Variants in BBX observed in about 807,000 individuals in gnomAD.
The protein encoded by BBX is BBX high mobility group box domain containing.
A neutral mutation model predicts 100.2 loss-of-function variants in BBX; 30 were observed. The observed-to-expected ratio is 0.30, with a 90% CI of 0.22 to 0.41. The LOEUF (loss-of-function observed/expected upper bound fraction) is 0.41, where lower values mean the gene tolerates loss of function less well. BBX is among the 10% of genes least tolerant of loss of function. BBX has a pLI of 1.00. For missense variants in BBX, 1,023 were observed against 1,129.8 expected (o/e 0.91, Z 1.35); for synonymous variants, 376 against 388.1 (o/e 0.97, Z 0.37).
intron 3 of BBX, among the ~76,000 whole-genome samples, chr3:107,659,235 A>G (rs2058311972): frequency 6.6e-6 from 1 of 151,834 alleles, no homozygotes; most frequent in African/African-American, 2.4e-5. Context: ...GGCCGTTAAC[A>G]TTTTATTATA....
At chr3:107,609,193 A>G (rs2054656542) in intron 2 of BBX, among the ~76,000 whole-genome samples, 1 of 151,994 alleles carries the variant, frequency 6.6e-6, no homozygotes, top group Admixed American at 6.6e-5. Flanking sequence ...ACACTGATTG[A>G]TTTGCATATG....
chr3:107,722,582 A>G (rs896684779), intron 5 of BBX, among the ~76,000 whole-genome samples: 2 of 151,988 alleles, frequency 1.3e-5, no homozygotes, highest in Non-Finnish European at 2.9e-5. Flanking sequence ...TCCACAACAC[A>G]ACAAGCAAAT....
At chr3:107,633,215 GATA>G (rs1484607968) in intron 2 of BBX, among the ~76,000 whole-genome samples, 1 of 151,992 alleles carries the variant, frequency 6.6e-6, no homozygotes, top group Non-Finnish European at 1.5e-5. Flanking sequence ...TATGAAAATA[GATA>G]ATAATGCTAT....
rs1032624741 is a variant in BBX, at chr3:107,806,125, A to C, written c.*668A>C. 7 of 152,036 alleles carry C rather than the reference A, an allele frequency of 4.6e-5. No homozygotes were observed. The highest frequency in any genetic ancestry group is 3.3e-4 in the Admixed American group (5 of 15,282). 9.4% of individuals were successfully genotyped at this position (152,036 alleles called of 1,614,324 possible). A position where few individuals can be genotyped will look rare whatever the true frequency, so the allele number is the denominator to read the frequency against. Reference sequence around the variant, plus strand: ...ATGGTAGTTTGCTGGCAAAAAAAAAAAAAAAAGAGAGAGAGAAAAAATTAC... The same window carrying C: ...ATGGTAGTTTGCTGGCAAAAAAAAACAAAAAAGAGAGAGAGAAAAAATTAC... On this transcript the variant is annotated 3_prime_UTR_variant, in exon 18 of 18. Transcript: ENST00000325805.
At chr3:107,781,615 T>G (rs1365021143) in intron 13 of BBX, among the ~76,000 whole-genome samples, 1 of 152,148 alleles carries the variant, frequency 6.6e-6, no homozygotes, top group African/African-American at 2.4e-5. Context: ...TGATAATGTA[T>G]GAAGCATTGT....
intron 2 of BBX, among the ~76,000 whole-genome samples, chr3:107,618,558 T>G (rs979912738): frequency 1.3e-5 from 2 of 152,082 alleles, no homozygotes; most frequent in African/African-American, 4.8e-5. Flanking sequence ...GTTTGAGCAT[T>G]GCGTTTCCTG....
At chr3:107,805,331 A>G in intron 17 of BBX, 39 bp from the exon 18 acceptor site, 1 of 1,585,008 alleles carries the variant, frequency 6.3e-7, no homozygotes, top group Non-Finnish European at 8.6e-7. Context: ...CTAATAACAT[A>G]TGCTGAATAA....
chr3:107,531,334 T>G (rs1057436153), intron 2 of BBX, among the ~76,000 whole-genome samples: 11 of 152,178 alleles, frequency 7.2e-5, no homozygotes, highest in Non-Finnish European at 1.3e-4. Context: ...TCCTGCTGCC[T>G]CTATTGCTTA....
chr3:107,799,618 C>T (rs2070197975), intron 16 of BBX, among the ~76,000 whole-genome samples: 2 of 151,948 alleles, frequency 1.3e-5, no homozygotes, highest in Non-Finnish European at 1.5e-5. Flanking sequence ...AGCCAGATTA[C>T]CAGGCATTCA....
intron 2 of BBX, among the ~76,000 whole-genome samples, chr3:107,602,156 C>G (rs981407942): frequency 6.6e-6 from 1 of 152,188 alleles, no homozygotes; most frequent in Non-Finnish European, 1.5e-5. Flanking sequence ...AATGTTTCTG[C>G]TCATTGACTA....
chr3:107,800,255 C>T (rs184100561), intron 16 of BBX, among the ~76,000 whole-genome samples: 3 of 152,300 alleles, frequency 2.0e-5, no homozygotes, highest in Non-Finnish European at 4.4e-5. Context: ...TCTGTCCAAT[C>T]TGAGTTCTGT....
At chr3:107,544,268 TATTTC>T (rs1255089779) in intron 2 of BBX, among the ~76,000 whole-genome samples, 4 of 152,324 alleles carry the variant, frequency 2.6e-5, no homozygotes, top group South Asian at 4.1e-4. Context: ...TGTGATACTT[TATTTC>T]TAAGTGTTGG....
At chr3:107,748,792 A>G (rs2064830243) in intron 9 of BBX, among the ~76,000 whole-genome samples, 1 of 152,202 alleles carries the variant, frequency 6.6e-6, no homozygotes, top group Non-Finnish European at 1.5e-5. Context: ...CAACTAAAAA[A>G]TGCATGTCAT....
At chr3:107,699,847 C>T (rs2060913807) in intron 3 of BBX, among the ~76,000 whole-genome samples, 1 of 151,962 alleles carries the variant, frequency 6.6e-6, no homozygotes, top group South Asian at 2.1e-4. Context: ...AAATTAAAGA[C>T]ATGTGAGTCA....
chr3:107,769,231 C>CAGAT (rs59812827), intron 10 of BBX, among the ~76,000 whole-genome samples: 35,730 of 97,664 alleles, frequency 0.37, 7,138 homozygotes, highest in East Asian at 0.54. Flanking sequence ...GATAGATAGA[C>CAGAT]AGATAGATAG....
At chr3:107,757,441 G>A (rs2065572578) in intron 10 of BBX, among the ~76,000 whole-genome samples, 1 of 152,112 alleles carries the variant, frequency 6.6e-6, no homozygotes, top group South Asian at 2.1e-4. Context: ...GGGGTAAAAT[G>A]ACTGAAATAA....
rs1257026990 is a variant in BBX, at chr3:107,810,591, G to A, written c.*5134G>A. On this transcript the variant is annotated 3_prime_UTR_variant, in exon 18 of 18. Transcript: ENST00000325805. ...TGATTTCGCTCTGTGGCCCACCAGAGGGGTGGGCTCATGTCCCCTGACTCC... is the reference window on the plus strand; with the variant it reads ...TGATTTCGCTCTGTGGCCCACCAGAAGGGTGGGCTCATGTCCCCTGACTCC... 6.6e-6 allele frequency: 1 copy of A among 152,190 alleles called. No homozygotes were observed. The highest frequency in any genetic ancestry group is 1.9e-4 in the East Asian group (1 of 5,194). 9.4% of individuals were successfully genotyped at this position (152,190 alleles called of 1,614,324 possible).
intron 2 of BBX, among the ~76,000 whole-genome samples, chr3:107,537,871 A>C (rs529580743): frequency 6.6e-6 from 1 of 152,370 alleles, no homozygotes; most frequent in South Asian, 2.1e-4. Flanking sequence ...TTTAATAACA[A>C]ATACATTCAT....
At chr3:107,654,636 A>G (rs1054536017) in intron 3 of BBX, among the ~76,000 whole-genome samples, 2 of 152,168 alleles carry the variant, frequency 1.3e-5, no homozygotes, top group Non-Finnish European at 2.9e-5. Context: ...GCGTTTCCTT[A>G]TAGGAGACAG....
Sources: gnomAD v4.1 joint callset for allele counts (sites outside exome capture counted in the v4.1 genomes callset) on GRCh38, gnomAD v4.1.1 for gene constraint, MANE v1.5 for transcripts, NCBI Gene and HGNC (gene_info 2026-07-23, HGNC 2026-07-21) for gene names.